The following AGMO variants were observed in gnomAD, a reference collection of about 807,000 sequenced individuals.
The protein encoded by AGMO is alkylglycerol monooxygenase.
A neutral mutation model predicts 60.2 loss-of-function variants in AGMO; 75 were observed. The ratio of observed to expected loss-of-function variants is 1.25; its 90% CI spans 1.03 to 1.51. The LOEUF (loss-of-function observed/expected upper bound fraction) is 1.51, where lower values mean the gene tolerates loss of function less well. AGMO is among the 40% of genes most tolerant of loss of function. The pLI is 0.00. For missense variants in AGMO, 763 were observed against 525.5 expected (o/e 1.45, Z -4.42); for synonymous variants, 261 against 177.1 (o/e 1.47, Z -3.76).
intron 12 of AGMO, among the ~76,000 whole-genome samples, chr7:15,345,338 C>A (rs933142776): frequency 6.6e-6 from 1 of 152,276 alleles, no homozygotes; most frequent in African/African-American, 2.4e-5. Context: ...CAATTTCTCA[C>A]CTCCTGGCCT....
chr7:15,250,273 A>T (rs1782891488), intron 12 of AGMO, among the ~76,000 whole-genome samples: 1 of 152,114 alleles, frequency 6.6e-6, no homozygotes, highest in Admixed American at 6.6e-5. Context: ...TATTCCCACT[A>T]CTGTACAAAG....
chr7:15,400,246 C>T (rs1784517915), intron 5 of AGMO, among the ~76,000 whole-genome samples: 1 of 151,996 alleles, frequency 6.6e-6, no homozygotes, highest in East Asian at 1.9e-4. Flanking sequence ...TTTACAGCAG[C>T]GGTTCTCAAA....
chr7:15,254,207 A>G (rs1783029452), intron 12 of AGMO, among the ~76,000 whole-genome samples: 1 of 152,124 alleles, frequency 6.6e-6, no homozygotes, highest in Non-Finnish European at 1.5e-5. Flanking sequence ...GAGAGTGCAG[A>G]TGTCTCTCTA....
chr7:15,476,074 A>G (rs1485123363), intron 3 of AGMO, among the ~76,000 whole-genome samples: 1 of 152,074 alleles, frequency 6.6e-6, no homozygotes, highest in African/African-American at 2.4e-5. Context: ...TGAGTAAGCG[A>G]CACACTGTCA....
At chr7:15,285,301 G>T (rs972274381) in intron 12 of AGMO, among the ~76,000 whole-genome samples, 4 of 151,986 alleles carry the variant, frequency 2.6e-5, no homozygotes, top group Non-Finnish European at 5.9e-5. Context: ...ATTGTTCACT[G>T]ATAATATGAT....
intron 10 of AGMO, among the ~76,000 whole-genome samples, chr7:15,376,194 T>C (rs1258551300): frequency 9.9e-5 from 15 of 152,012 alleles, no homozygotes; most frequent in Admixed American, 5.2e-4. Context: ...TCCTTTTTTT[T>C]CCCCCACATT....
chr7:15,238,870 T>C (rs887807927), intron 12 of AGMO, among the ~76,000 whole-genome samples: 1 of 152,110 alleles, frequency 6.6e-6, no homozygotes, highest in East Asian at 1.9e-4. Flanking sequence ...TAGGAAAACA[T>C]AACTTTTAAT....
At chr7:15,277,714 G>C (rs1269600242) in intron 12 of AGMO, among the ~76,000 whole-genome samples, 2 of 152,190 alleles carry the variant, frequency 1.3e-5, no homozygotes, top group Admixed American at 1.3e-4. Flanking sequence ...GCCAATTGCA[G>C]TAAAAGCAGA....
At chr7:15,517,456 C>A (rs935510749) in intron 3 of AGMO, among the ~76,000 whole-genome samples, 3 of 150,924 alleles carry the variant, frequency 2.0e-5, no homozygotes, top group African/African-American at 7.3e-5. Flanking sequence ...GCATTTCTAA[C>A]TGAGGTACCT....
At chr7:15,199,849 GA>G (rs1781228469), downstream of AGMO, among the ~76,000 whole-genome samples, 1 of 152,162 alleles carries the variant, frequency 6.6e-6, no homozygotes, top group Non-Finnish European at 1.5e-5. Flanking sequence ...ACTTGAGATA[GA>G]ATGTGTTGCT....
At chr7:15,279,888 G>C (rs897072068) in intron 12 of AGMO, among the ~76,000 whole-genome samples, 2 of 152,198 alleles carry the variant, frequency 1.3e-5, no homozygotes, top group South Asian at 2.1e-4. Flanking sequence ...CAACAGTAGG[G>C]AGAGCCTTGT....
intron 3 of AGMO, among the ~76,000 whole-genome samples, chr7:15,519,831 C>G (rs1265608089): frequency 6.6e-6 from 1 of 151,748 alleles, no homozygotes; most frequent in Non-Finnish European, 1.5e-5. Flanking sequence ...ATAAATGGAA[C>G]AAATGCCCCA....
At chr7:15,322,901 A>T (rs1233630064) in intron 12 of AGMO, among the ~76,000 whole-genome samples, 1 of 146,300 alleles carries the variant, frequency 6.8e-6, no homozygotes, top group Middle Eastern at 3.9e-3. Context: ...TACAGGAAAA[A>T]ATATATATAT....
At chr7:15,447,047 A>G (rs1426824852) in intron 3 of AGMO, among the ~76,000 whole-genome samples, 1 of 152,212 alleles carries the variant, frequency 6.6e-6, no homozygotes, top group Non-Finnish European at 1.5e-5. Context: ...CGATGAGATG[A>G]AAGGGAATAA....
chr7:15,341,509 A>T (rs111720632), intron 12 of AGMO, among the ~76,000 whole-genome samples: 1 of 152,148 alleles, frequency 6.6e-6, no homozygotes, highest in Non-Finnish European at 1.5e-5. Context: ...AGGACATTCA[A>T]CAAGTCTCTA....
chr7:15,362,762 G>A (rs961096565), intron 12 of AGMO, among the ~76,000 whole-genome samples: 1 of 152,066 alleles, frequency 6.6e-6, no homozygotes, highest in South Asian at 2.1e-4. Flanking sequence ...TTCAAACCAC[G>A]TGTCTTTTCA....
chr7:15,430,826 ATGTG>A (rs1476813963), intron 4 of AGMO, among the ~76,000 whole-genome samples, 175 bp downstream of exon 4: 1 of 151,528 alleles, frequency 6.6e-6, no homozygotes, highest in African/African-American at 2.4e-5. Context: ...CATTTGCTTC[ATGTG>A]TGTCTGGCCT....
chr7:15,463,196 G>A (rs1357888059), intron 3 of AGMO, among the ~76,000 whole-genome samples: 1 of 152,080 alleles, frequency 6.6e-6, no homozygotes, highest in Non-Finnish European at 1.5e-5. Flanking sequence ...ATTTATAAGA[G>A]GCCAGATTGC....
chr7:15,492,902 T>G (rs1239979085), intron 3 of AGMO, among the ~76,000 whole-genome samples: 1 of 152,186 alleles, frequency 6.6e-6, no homozygotes, highest in Non-Finnish European at 1.5e-5. Flanking sequence ...TCCTACATCT[T>G]CAAGGAAGTT....
Sources: gnomAD v4.1 joint callset for allele counts (sites outside exome capture counted in the v4.1 genomes callset) on GRCh38, gnomAD v4.1.1 for gene constraint, MANE v1.5 for transcripts, NCBI Gene and HGNC (gene_info 2026-07-23, HGNC 2026-07-21) for gene names.